The following RGS7 variants were observed in gnomAD, a reference collection of about 807,000 sequenced individuals.
RGS7 encodes regulator of G-protein signaling 7.
Under a neutral mutation model 81.1 loss-of-function variants are expected in RGS7, and 27 were observed. The observed-to-expected ratio is 0.33, with a 90% CI of 0.25 to 0.46. RGS7 has a LOEUF of 0.46. Ranked by LOEUF, RGS7 falls within the 20% of genes least tolerant of loss-of-function variation. The pLI is 1.00. For synonymous variants in RGS7, 208 were observed against 207.7 expected, an observed-to-expected ratio of 1.00 and a Z score of -0.01; for missense variants, 396 against 607.4, an observed-to-expected ratio of 0.65 and a Z score of 3.66.
In RGS7 at chr1:240,859,279, C is replaced by A. The variant is rs556081583; in HGVS notation, c.609+9308G>T. Reference sequence around the variant, plus strand: ...CCTCCCAAAGTGCTGGGATTACAGGCATGAGCCATCACTCCTGGCCTAATT... The same window carrying A: ...CCTCCCAAAGTGCTGGGATTACAGGAATGAGCCATCACTCCTGGCCTAATT... On this transcript the variant is annotated intron_variant, in intron 9 of 18. Coordinates refer to ENST00000440928, the MANE Select transcript of RGS7 (RefSeq NM_001364886.1). Among the ~76,000 whole-genome samples, 187 of 152,178 alleles carry A rather than the reference C, an allele frequency of 1.2e-3. 1 individual carries two copies. The highest frequency in any genetic ancestry group is 3.5e-3 in the Admixed American group (53 of 15,274).
At chr1:241,182,262 A>G (rs1400407051) in intron 2 of RGS7, among the ~76,000 whole-genome samples, 2 of 152,166 alleles carry the variant, frequency 1.3e-5, no homozygotes, top group Non-Finnish European at 2.9e-5. Context: ...GGCCCAGCCC[A>G]TCTTGTTGTA....
chr1:240,851,233 G>T (rs1370680948), intron 9 of RGS7, among the ~76,000 whole-genome samples: 5 of 152,188 alleles, frequency 3.3e-5, no homozygotes, highest in Admixed American at 3.3e-4. Flanking sequence ...AATGTTCATT[G>T]ATCATTCCGA....
chr1:240,866,223 G>T (rs12029739), intron 9 of RGS7, among the ~76,000 whole-genome samples: 3 of 152,138 alleles, frequency 2.0e-5, no homozygotes, highest in African/African-American at 7.2e-5. Context: ...AGAAAATAAG[G>T]GATGATGGCC....
intron 2 of RGS7, among the ~76,000 whole-genome samples, chr1:241,280,317 T>C (rs2078430799): frequency 1.3e-5 from 2 of 152,284 alleles, no homozygotes; most frequent in Middle Eastern, 6.8e-3. Flanking sequence ...AAGAGGGGAA[T>C]GGAACACATT....
intron 6 of RGS7, chr1:240,920,241 G>C: frequency 8.1e-7 from 1 of 1,227,368 alleles, no homozygotes. Context: ...AGGTCGAAGT[G>C]GTTCTGGAAA....
chr1:240,855,922 T>C (rs1352020703), intron 9 of RGS7, among the ~76,000 whole-genome samples: 1 of 152,188 alleles, frequency 6.6e-6, no homozygotes, highest in Non-Finnish European at 1.5e-5. Flanking sequence ...GTCATCTCTT[T>C]GTCTTAATTT....
intron 3 of RGS7, among the ~76,000 whole-genome samples, chr1:241,073,526 T>C (rs1186857347): frequency 1.3e-5 from 2 of 152,212 alleles, no homozygotes; most frequent in African/African-American, 2.4e-5. Context: ...TAGTATTCTA[T>C]ACTAGGACCC....
At chr1:240,823,381 C>T (rs1023702012) in intron 10 of RGS7, 2 of 446,920 alleles carry the variant, frequency 4.5e-6, no homozygotes, top group Non-Finnish European at 4.3e-6. Context: ...CCTGGAGCCA[C>T]GGCCGAAGCC....
chr1:241,010,017 T>G (rs200838048), intron 3 of RGS7, among the ~76,000 whole-genome samples: 1 of 152,000 alleles, frequency 6.6e-6, no homozygotes, highest in African/African-American at 2.4e-5. Context: ...GGGAACATCA[T>G]ACACCGGGGC....
chr1:241,208,372 C>T (rs956697739), intron 2 of RGS7, among the ~76,000 whole-genome samples: 4 of 152,076 alleles, frequency 2.6e-5, no homozygotes, highest in Non-Finnish European at 5.9e-5. Context: ...GGAGGCATTT[C>T]GGAACCACAC....
chr1:240,906,284 CAGGGTA>C (rs1670804926), intron 6 of RGS7, among the ~76,000 whole-genome samples: 1 of 152,176 alleles, frequency 6.6e-6, no homozygotes, highest in Non-Finnish European at 1.5e-5. Context: ...AATGCCCTCC[CAGGGTA>C]CTGCACCAGC....
chr1:241,190,244 T>G lies in RGS7; in HGVS notation c.79-91482A>C, dbSNP rs569741119. Among the ~76,000 whole-genome samples the G allele has an allele frequency of 1.1e-4, 16 of 152,344 alleles. No homozygotes were observed. In the South Asian group the frequency reaches 3.1e-3, roughly 30 times the overall value. On this transcript the variant is annotated intron_variant, in intron 2 of 18. Transcript: ENST00000440928. Reference sequence around the variant, plus strand: ...GATACTATAGTGACATAGTAAGTCTTGAAATGAGGCAGATTTATTTTTATC... The same window carrying G: ...GATACTATAGTGACATAGTAAGTCTGGAAATGAGGCAGATTTATTTTTATC...
chr1:240,977,446 C>T (rs1684306103), intron 4 of RGS7, among the ~76,000 whole-genome samples: 1 of 152,110 alleles, frequency 6.6e-6, no homozygotes, highest in African/African-American at 2.4e-5. Flanking sequence ...AAATACATAT[C>T]TTTTAGATTC....
intron 18 of RGS7, among the ~76,000 whole-genome samples, chr1:240,779,084 TG>T (rs1683491383): frequency 6.8e-6 from 1 of 146,244 alleles, no homozygotes; most frequent in African/African-American, 2.6e-5. Flanking sequence ...CTCTCATTAA[TG>T]GGATTAGTGT....
intron 6 of RGS7, among the ~76,000 whole-genome samples, chr1:240,897,916 C>T (rs533289817): frequency 6.6e-6 from 1 of 152,202 alleles, no homozygotes; most frequent in Non-Finnish European, 1.5e-5. Flanking sequence ...TGGTACCGGA[C>T]GTTTTTCGGT....
intron 2 of RGS7, among the ~76,000 whole-genome samples, chr1:241,300,575 C>T (rs75882782): frequency 0.042 from 6,358 of 152,256 alleles, 463 homozygotes; most frequent in African/African-American, 0.14. Context: ...GGTTCTTCCA[C>T]GTCTTTCCAT....
At position 240,994,073 on chromosome 1, in the gene RGS7, C is replaced by T. The variant is rs1198696941; in HGVS notation, c.176-10944G>A. ...TACCAACACCACACAGTTCTGTTTA[C>T]CACAGTTATATAATGTCTTGAATAT... On this transcript the variant is annotated intron_variant, in intron 3 of 18. Coordinates refer to ENST00000440928, the MANE Select transcript of RGS7 (RefSeq NM_001364886.1). Among the ~76,000 whole-genome samples, 6 of 152,134 alleles carry T rather than the reference C, an allele frequency of 3.9e-5. No individual in the cohort carries two copies. The South Asian group carries it at 6.2e-4, about 16-fold the overall frequency.
At chr1:241,245,574 C>G (rs552720197) in intron 2 of RGS7, among the ~76,000 whole-genome samples, 2 of 151,572 alleles carry the variant, frequency 1.3e-5, no homozygotes, top group Admixed American at 6.6e-5. Context: ...TTTGGGAGGT[C>G]GAGGTGGGCA....
chr1:241,264,059 A>C (rs1384284640), intron 2 of RGS7, among the ~76,000 whole-genome samples: 3 of 152,212 alleles, frequency 2.0e-5, no homozygotes, highest in African/African-American at 7.2e-5. Flanking sequence ...ACCGTGCACC[A>C]CCCTGACTTA....
Sources: allele counts gnomAD v4.1 joint callset (sites outside exome capture counted in the v4.1 genomes callset), GRCh38; gene constraint gnomAD v4.1.1; transcripts MANE v1.5; gene names NCBI Gene and HGNC (gene_info 2026-07-23, HGNC 2026-07-21).